The following PABPC4L variants were observed in gnomAD, a reference collection of about 807,000 sequenced individuals.
The protein encoded by PABPC4L is poly(A) binding protein cytoplasmic 4 like.
For missense variants in PABPC4L, 452 were observed against 451.4 expected, an observed-to-expected ratio of 1.00 and a Z score of -0.01; for synonymous variants, 169 against 164.1, an observed-to-expected ratio of 1.03 and a Z score of -0.23.
chr4:133,950,109 T>C, the PABPC4L span, among the ~76,000 whole-genome samples: 1 of 152,212 alleles, frequency 6.6e-6, no homozygotes, highest in Non-Finnish European at 1.5e-5. Flanking sequence ...TCTTATCTGA[T>C]GTGTAAAACT....
chr4:134,038,526 A>G, the PABPC4L span, among the ~76,000 whole-genome samples: 6 of 151,994 alleles, frequency 3.9e-5, no homozygotes, highest in African/African-American at 1.4e-4. Context: ...TTGGGGATTC[A>G]ATTTCTTTCT....
the PABPC4L span, among the ~76,000 whole-genome samples, chr4:134,006,576 C>T: frequency 6.6e-6 from 1 of 151,862 alleles, no homozygotes; most frequent in Admixed American, 6.6e-5. Flanking sequence ...GTGCCTACAG[C>T]AAGGATGCAT....
At chr4:133,993,000 A>C in the PABPC4L span, among the ~76,000 whole-genome samples, 2 of 152,042 alleles carry the variant, frequency 1.3e-5, no homozygotes, top group Non-Finnish European at 2.9e-5. Flanking sequence ...GAATCCAAGG[A>C]GGGCCTGAGG....
At chr4:134,054,938 A>G in the PABPC4L span, among the ~76,000 whole-genome samples, 1 of 152,092 alleles carries the variant, frequency 6.6e-6, no homozygotes, top group African/African-American at 2.4e-5. Flanking sequence ...ATATTTTAAG[A>G]AAACACCAGA....
chr4:134,018,830 C>A, the PABPC4L span, among the ~76,000 whole-genome samples: 1 of 151,920 alleles, frequency 6.6e-6, no homozygotes, highest in African/African-American at 2.4e-5. Flanking sequence ...ATGAATGAAA[C>A]TACAGATGGC....
chr4:134,179,084 A>G, the PABPC4L span, among the ~76,000 whole-genome samples: 2 of 152,100 alleles, frequency 1.3e-5, no homozygotes, highest in Non-Finnish European at 2.9e-5. Flanking sequence ...ACAATCCTCA[A>G]GTCACATAGT....
the PABPC4L span, among the ~76,000 whole-genome samples, chr4:134,167,921 G>A: frequency 2.6e-5 from 4 of 151,996 alleles, no homozygotes; most frequent in Admixed American, 6.6e-5. Context: ...GACTTATTCT[G>A]TACTATAGAA....
the PABPC4L span, among the ~76,000 whole-genome samples, chr4:134,025,305 CAAAAAAAAAAA>C: frequency 6.6e-5 from 3 of 45,668 alleles, no homozygotes; most frequent in South Asian, 1.1e-3. Context: ...GAATTCATCT[CAAAAAAAAAAA>C]AAAAAAAAAA....
the PABPC4L span, among the ~76,000 whole-genome samples, chr4:134,069,219 G>A: frequency 6.6e-6 from 1 of 152,020 alleles, no homozygotes; most frequent in Non-Finnish European, 1.5e-5. Context: ...TCCCTCTATA[G>A]GTAACATGCC....
the PABPC4L span, among the ~76,000 whole-genome samples, chr4:133,958,435 C>T: frequency 6.6e-6 from 1 of 152,170 alleles, no homozygotes; most frequent in African/African-American, 2.4e-5. Flanking sequence ...TTTTCTGACC[C>T]CTCCAAACTA....
the PABPC4L span, among the ~76,000 whole-genome samples, chr4:134,184,623 C>G: frequency 6.6e-6 from 1 of 152,010 alleles, no homozygotes; most frequent in Non-Finnish European, 1.5e-5. Flanking sequence ...TGTATCACCA[C>G]AGTACCACAG....
chr4:133,949,015 T>C, the PABPC4L span, among the ~76,000 whole-genome samples: 1 of 152,176 alleles, frequency 6.6e-6, no homozygotes, highest in Non-Finnish European at 1.5e-5. Context: ...TCCTGAGATA[T>C]CTATTCCTAA....
At chr4:133,971,060 T>C in the PABPC4L span, among the ~76,000 whole-genome samples, 1 of 151,814 alleles carries the variant, frequency 6.6e-6, no homozygotes, top group South Asian at 2.1e-4. Flanking sequence ...ATGTTCAGTG[T>C]ATATCTAGGT....
the PABPC4L span, among the ~76,000 whole-genome samples, chr4:134,164,335 A>G: frequency 2.0e-5 from 3 of 151,248 alleles, 1 homozygote; most frequent in South Asian, 6.2e-4. Context: ...AAATAAATAA[A>G]GGACATCTGT....
chr4:134,011,327 T>C, the PABPC4L span, among the ~76,000 whole-genome samples: 1 of 152,114 alleles, frequency 6.6e-6, no homozygotes, highest in Non-Finnish European at 1.5e-5. Context: ...ACAAGTTTCA[T>C]TTTGAAAATC....
the PABPC4L span, among the ~76,000 whole-genome samples, chr4:133,964,454 C>T: frequency 6.6e-6 from 1 of 151,992 alleles, no homozygotes. Context: ...GGAAACATTT[C>T]CTAATTCATT....
the PABPC4L span, among the ~76,000 whole-genome samples, chr4:134,050,625 A>G: frequency 1.4e-5 from 2 of 145,228 alleles, no homozygotes. Context: ...GAATCACTTG[A>G]ATCTGGGAGG....
the PABPC4L span, among the ~76,000 whole-genome samples, chr4:134,179,396 A>G: frequency 6.6e-6 from 1 of 152,182 alleles, no homozygotes; most frequent in Non-Finnish European, 1.5e-5. Flanking sequence ...AGTGCTAAAT[A>G]TGGAAAAGAA....
chr4:134,015,673 T>C, the PABPC4L span, among the ~76,000 whole-genome samples: 2 of 152,088 alleles, frequency 1.3e-5, no homozygotes, highest in African/African-American at 4.8e-5. Flanking sequence ...CTCAATCCCT[T>C]ACAAAACAAC....
Sources: gnomAD v4.1 joint callset for allele counts (sites outside exome capture counted in the v4.1 genomes callset) on GRCh38, gnomAD v4.1.1 for gene constraint, MANE v1.5 for transcripts, NCBI Gene and HGNC (gene_info 2026-07-23, HGNC 2026-07-21) for gene names.